OCLN: variants seen among roughly 807,000 people sequenced by gnomAD.
OCLN encodes phosphatase 1, regulatory subunit 115.
OCLN carries 21 observed loss-of-function variants against 47.9 expected under a neutral mutation model. That is an observed-to-expected ratio of 0.44 (90% CI 0.31 to 0.63). OCLN has a LOEUF of 0.63. Among genes scored for constraint, OCLN ranks in the 30% least tolerant of loss-of-function variants. The pLI, the probability that OCLN is intolerant of heterozygous loss-of-function variation, is 0.08. For synonymous variants in OCLN, 117 were observed against 198.4 expected (o/e 0.59, Z 3.45); for missense variants, 360 against 571.0 (o/e 0.63, Z 3.77).
intron 1 of OCLN, among the ~76,000 whole-genome samples, chr5:69,494,613 G>A (rs28652974): frequency 1.3e-5 from 2 of 152,080 alleles, no homozygotes; most frequent in Non-Finnish European, 2.9e-5. Flanking sequence ...GTTATTAGGG[G>A]CCTCCTTTGT....
At chr5:69,502,643 T>C (rs1768493191) in intron 1 of OCLN, among the ~76,000 whole-genome samples, 1 of 152,230 alleles carries the variant, frequency 6.6e-6, no homozygotes, top group Non-Finnish European at 1.5e-5. Flanking sequence ...TGGTTCAACA[T>C]AGCTAAGGAG....
intron 2 of OCLN, among the ~76,000 whole-genome samples, chr5:69,508,751 C>T (rs1768681116): frequency 6.6e-6 from 1 of 152,164 alleles, no homozygotes; most frequent in South Asian, 2.1e-4. Flanking sequence ...GTTACCCATT[C>T]CACTGTAGGT....
chr5:69,555,592 G>A lies in OCLN; in HGVS notation c.*1921G>A, dbSNP rs1345527611. On this transcript the variant is annotated 3_prime_UTR_variant, in exon 9 of 9. Coordinates refer to ENST00000396442, the MANE Select transcript of OCLN (RefSeq NM_001205254.2). ...CCTATAATTTTTGATAGATGATTTT[G>A]AATTATTTTCCAGAGATAAAATTTT... 1 of 152,018 alleles carries A rather than the reference G, an allele frequency of 6.6e-6. No homozygotes were observed. Among genetic ancestry groups the A allele is most frequent in the African/African-American group, 2.4e-5 (1 of 41,362 alleles). The allele number at this position is 152,018 out of a possible 1,614,324, so 9.4% of individuals were successfully genotyped here. A position where few individuals can be genotyped will look rare whatever the true frequency, so the allele number is the denominator to read the frequency against.
At chr5:69,534,887 A>G (rs776897475) in intron 5 of OCLN, 48 bp downstream of exon 5, 1 of 1,553,624 alleles carries the variant, frequency 6.4e-7, no homozygotes, top group East Asian at 2.2e-5. Context: ...AAAAATGAGT[A>G]TTTGCATATA....
At chr5:69,514,406 T>A (rs1768870034) in intron 4 of OCLN, among the ~76,000 whole-genome samples, 2 of 152,174 alleles carry the variant, frequency 1.3e-5, no homozygotes, top group African/African-American at 4.8e-5. Context: ...ACTTCTTCCC[T>A]CTACTCCCTT....
intron 3 of OCLN, among the ~76,000 whole-genome samples, chr5:69,510,022 GTTT>G (rs1303732842): frequency 6.6e-6 from 1 of 152,136 alleles, no homozygotes; most frequent in Non-Finnish European, 1.5e-5. Context: ...CAGTTCAGTG[GTTT>G]TTAATATATT....
Position 69,504,249 on chromosome 5 carries a change from C to T in OCLN, c.5C>T (p.Ser2Leu). The T allele has an allele frequency of 6.2e-7, 1 of 1,608,160 alleles. No individual in the cohort carries two copies. Residue 2 changes from serine (S) to leucine (L), a missense_variant, in exon 2 of 9, where the codon TCA becomes TTA. Transcript: ENST00000396442. MSSRPLESPPPY... is the reference protein window; with the variant it reads MLSRPLESPPPY... ...GCTGACCATTGACAATCAGCCATGT[C>T]ATCCAGGCCTCTTGAAAGTCCACCT...
At chr5:69,496,063 C>G (rs1768279206) in intron 1 of OCLN, among the ~76,000 whole-genome samples, 1 of 151,968 alleles carries the variant, frequency 6.6e-6, no homozygotes, top group African/African-American at 2.4e-5. Context: ...TAATGATGTG[C>G]CTGTAGTCTA....
In OCLN at chr5:69,525,326, G is replaced by A. The variant is rs183513614; in HGVS notation, c.892-9368G>A. Among the ~76,000 whole-genome samples, 328 of 151,730 alleles carry A rather than the reference G, an allele frequency of 2.2e-3. 7 individuals carry two copies. In the East Asian group the frequency reaches 0.053, roughly 25 times the overall value. ...TCGCCATGTTAGCCAGGATGGTCTC[G>A]ATCTCCTGACCTCATGATCCGCCCG... On this transcript the variant is annotated intron_variant, in intron 4 of 8. Transcript: ENST00000396442.
At position 69,553,608 on chromosome 5, in the gene OCLN, G is replaced by C; in HGVS notation, c.1506G>C (p.Gln502His). 1 of 1,613,988 alleles carries C rather than the reference G, an allele frequency of 6.2e-7. No homozygotes were observed. Among genetic ancestry groups the C allele is most frequent in the South Asian group, 1.1e-5 (1 of 91,080 alleles). ...DYKSKKNHCK[Q>H]LKSKLSHIKK... ...AAAGTAAGAAGAATCATTGCAAGCA[G>C]TTAAAGAGCAAATTGTCACACATCA... The change falls in exon 9 of 9, where the codon CAG becomes CAC. Residue 502 changes from glutamine (Q) to histidine (H), a missense_variant. Transcript: ENST00000396442.
chr5:69,513,846 G>A lies in OCLN; in HGVS notation c.730-102G>A, dbSNP rs374284585. On this transcript the variant is annotated intron_variant, in intron 3 of 8. Coordinates refer to ENST00000396442, the MANE Select transcript of OCLN (RefSeq NM_001205254.2). Reference sequence around the variant, plus strand: ...CTATCAATTAAACCACATGGATTTAGTAGGGCCTTAGGGTAGATAAGGGTT... The same window carrying A: ...CTATCAATTAAACCACATGGATTTAATAGGGCCTTAGGGTAGATAAGGGTT... The A allele has an allele frequency of 1.0e-4, 101 of 967,748 alleles. No homozygotes were observed. The East Asian group carries it at 1.4e-3, about 13-fold the overall frequency. 59.9% of individuals were successfully genotyped at this position (967,748 alleles called of 1,614,324 possible). A position where few individuals can be genotyped will look rare whatever the true frequency, so the allele number is the denominator to read the frequency against.
intron 4 of OCLN, among the ~76,000 whole-genome samples, chr5:69,525,957 T>G (rs944477333): frequency 8.8e-4 from 134 of 152,178 alleles, no homozygotes; most frequent in Non-Finnish European, 3.7e-4. Flanking sequence ...TTCTAGGTTA[T>G]TTTATGACAC....
intron 1 of OCLN, among the ~76,000 whole-genome samples, chr5:69,494,201 G>A (rs1196616726): frequency 1.3e-5 from 2 of 152,130 alleles, no homozygotes; most frequent in Admixed American, 6.5e-5. Flanking sequence ...GTGTGTGTGT[G>A]TGTGTTTTTC....
At position 69,555,670 on chromosome 5, in the gene OCLN, A is replaced by G. The variant is rs1769961182; in HGVS notation, c.*1999A>G. 2 of 152,046 alleles carry G rather than the reference A, an allele frequency of 1.3e-5. No homozygotes were observed. The highest frequency in any genetic ancestry group is 2.9e-5 in the Non-Finnish European group (2 of 68,008). 9.4% of individuals were successfully genotyped at this position (152,046 alleles called of 1,614,324 possible). A position where few individuals can be genotyped will look rare whatever the true frequency, so the allele number is the denominator to read the frequency against. ...TTTCTGCAAATTGAATAAATTCTTAATTTTCTGCATGCACATAATACAAAA... is the reference window on the plus strand; with the variant it reads ...TTTCTGCAAATTGAATAAATTCTTAGTTTTCTGCATGCACATAATACAAAA... On this transcript the variant is annotated 3_prime_UTR_variant, in exon 9 of 9. Coordinates refer to ENST00000396442, the MANE Select transcript of OCLN (RefSeq NM_001205254.2).
intron 4 of OCLN, among the ~76,000 whole-genome samples, chr5:69,515,399 G>A (rs918798760): frequency 6.9e-6 from 1 of 144,860 alleles, no homozygotes; most frequent in Admixed American, 6.7e-5. Context: ...CGGCTGGCCG[G>A]GCAGGGGGCT....
At chr5:69,515,459 T>C (rs1768915711) in intron 4 of OCLN, among the ~76,000 whole-genome samples, 1 of 111,426 alleles carries the variant, frequency 9.0e-6, no homozygotes, top group African/African-American at 3.5e-5. Flanking sequence ...GCAGAGGGGC[T>C]CCTCACTTCC....
chr5:69,515,442 TG>T (rs1768914598), intron 4 of OCLN, among the ~76,000 whole-genome samples: 1 of 130,822 alleles, frequency 7.6e-6, no homozygotes. Flanking sequence ...ACGGGGCGGC[TG>T]GCCGGGCAGA....
chr5:69,514,141 A>T, intron 4 of OCLN, 32 bp downstream of exon 4: 1 of 1,587,944 alleles, frequency 6.3e-7, no homozygotes, highest in South Asian at 1.1e-5. Flanking sequence ...TACATCTTTT[A>T]TTAAAGCCCC....
chr5:69,526,846 G>T (rs1769294218), intron 4 of OCLN, among the ~76,000 whole-genome samples: 1 of 152,214 alleles, frequency 6.6e-6, no homozygotes, highest in East Asian at 1.9e-4. Context: ...ACAGGTTATA[G>T]GAGGAGCTAT....
Sources: gnomAD v4.1 joint callset for allele counts (sites outside exome capture counted in the v4.1 genomes callset) on GRCh38, gnomAD v4.1.1 for gene constraint, MANE v1.5 for transcripts, NCBI Gene and HGNC (gene_info 2026-07-23, HGNC 2026-07-21) for gene names.